TRPM2: variants seen among roughly 807,000 people sequenced by gnomAD.
The protein encoded by TRPM2 is transient receptor potential cation channel subfamily M member 2, also known as estrogen-responsive element-associated gene 1 protein.
Under a neutral mutation model 174.0 loss-of-function variants are expected in TRPM2, and 161 were observed. The ratio of observed to expected loss-of-function variants is 0.93; its 90% CI spans 0.81 to 1.05. TRPM2 has a LOEUF of 1.05. Among genes scored for constraint, TRPM2 ranks in the 50% least tolerant of loss-of-function variants. The pLI is 0.00. For synonymous variants in TRPM2, 954 were observed against 861.3 expected (o/e 1.11, Z -1.88); for missense variants, 2,057 against 2,038.0 (o/e 1.01, Z -0.18).
rs57031573 is a variant in TRPM2, at chr21:44,362,348, C to CAAAAAA, written c.255-1754_255-1749dup. ...TGAAACCCCGTCTCTACTAAAAATA[C>CAAAAAA]AAAAAAAAAAAAAAAAAGCCAGATG... On this transcript the variant is annotated intron_variant, in intron 2 of 31. Transcript: ENST00000397928. Among the ~76,000 whole-genome samples, 442 of 89,208 alleles carry CAAAAAA rather than the reference C, an allele frequency of 5.0e-3. 11 individuals are homozygous for CAAAAAA. The highest frequency in any genetic ancestry group is 0.017 in the African/African-American group (416 of 24,254). 58.5% of individuals were successfully genotyped at this position (89,208 alleles called of 152,430 possible).
intron 28 of TRPM2, among the ~76,000 whole-genome samples, chr21:44,436,649 G>C (rs1487540238): frequency 8.7e-6 from 1 of 114,806 alleles, no homozygotes; most frequent in Non-Finnish European, 1.8e-5. Flanking sequence ...GTGGCCCTCG[G>C]CACCCCACAT....
intron 25 of TRPM2, among the ~76,000 whole-genome samples, chr21:44,426,396 T>C (rs762897226): frequency 7.2e-5 from 11 of 151,884 alleles, no homozygotes; most frequent in Admixed American, 2.0e-4. Flanking sequence ...TGCCCCACTC[T>C]GGGAAGACCC....
chr21:44,425,646 TCA>T, intron 24 of TRPM2, 22 bp from the exon 25 acceptor site: 1 of 1,474,380 alleles, frequency 6.8e-7, no homozygotes, highest in South Asian at 1.3e-5. Context: ...CCGCCTTGCG[TCA>T]CGTCTTCCTG....
At chr21:44,408,312 T>C (rs1460699191) in intron 19 of TRPM2, among the ~76,000 whole-genome samples, 4 of 152,050 alleles carry the variant, frequency 2.6e-5, no homozygotes, top group Admixed American at 6.6e-5. Flanking sequence ...TTTGTGTGGG[T>C]ATGTTTTTAT....
intron 5 of TRPM2, among the ~76,000 whole-genome samples, chr21:44,375,507 C>T (rs1225204030): frequency 6.6e-6 from 1 of 152,196 alleles, no homozygotes; most frequent in Non-Finnish European, 1.5e-5. Flanking sequence ...TCCCCGCCTC[C>T]TCCACTCCTG....
At position 44,367,843 on chromosome 21, in the gene TRPM2, G is replaced by C. The variant is rs1487563163; in HGVS notation, c.604+909G>C. Among the ~76,000 whole-genome samples, 3 of 152,132 alleles carry C rather than the reference G, an allele frequency of 2.0e-5. No individual in the cohort carries two copies. Among genetic ancestry groups the C allele is most frequent in the Admixed American group, 1.3e-4 (2 of 15,282 alleles). On this transcript the variant is annotated intron_variant, in intron 4 of 31. Coordinates refer to ENST00000397928, the MANE Select transcript of TRPM2 (RefSeq NM_003307.4). The surrounding 1 kb of genome is among the most constrained non-coding windows in gnomAD (Gnocchi z 4.6). ...GGCACGGCTGCATCTTTTGACCTGTGAGTCCCACAGCCCTGCTTGTAAAAT... is the reference window on the plus strand; with the variant it reads ...GGCACGGCTGCATCTTTTGACCTGTCAGTCCCACAGCCCTGCTTGTAAAAT...
intron 9 of TRPM2, among the ~76,000 whole-genome samples, chr21:44,388,232 A>G (rs1452044873): frequency 6.6e-6 from 1 of 152,206 alleles, no homozygotes; most frequent in Non-Finnish European, 1.5e-5. Context: ...TTTAAAAAGG[A>G]AGGAAATTCT....
intron 15 of TRPM2, 152 bp downstream of exon 15, chr21:44,400,523 G>A: frequency 1.4e-6 from 1 of 717,180 alleles, no homozygotes; most frequent in Non-Finnish European, 2.3e-6. Flanking sequence ...AGAGATGGGG[G>A]TGGGAAGCAG....
intron 11 of TRPM2, among the ~76,000 whole-genome samples, chr21:44,393,868 G>T (rs2049257776): frequency 6.6e-6 from 1 of 151,798 alleles, no homozygotes; most frequent in African/African-American, 2.4e-5. Context: ...GGTATGACTT[G>T]GTTTCTTTGT....
chr21:44,353,536 A>G, upstream of TRPM2: 1 of 846,298 alleles, frequency 1.2e-6, no homozygotes. Context: ...GCTTCACATG[A>G]GGAAGCATGT....
At chr21:44,414,102 A>AGGTG (rs1184286001) in intron 20 of TRPM2, 28 bp downstream of exon 20, 1 of 767,494 alleles carries the variant, frequency 1.3e-6, no homozygotes, top group African/African-American at 1.7e-5. Context: ...GCTGGCGTGC[A>AGGTG]GGTGGGTGGG....
chr21:44,427,185 C>A, intron 27 of TRPM2, 74 bp downstream of exon 27: 1 of 1,260,174 alleles, frequency 7.9e-7, no homozygotes, highest in Non-Finnish European at 1.1e-6. Context: ...CCTCTCTGGG[C>A]AAAGGAAGCA....
chr21:44,404,335 T>G lies in TRPM2; in HGVS notation c.2539-807T>G, dbSNP rs148755333. ...GCACATACACATATACACACATGCA[T>G]ACACATACAAATACATGCAGACACA... On this transcript the variant is annotated intron_variant, in intron 16 of 31. Coordinates refer to ENST00000397928, the MANE Select transcript of TRPM2 (RefSeq NM_003307.4). Among the ~76,000 whole-genome samples the G allele has an allele frequency of 5.2e-3, 784 of 152,074 alleles. 6 individuals are homozygous for G. The highest frequency in any genetic ancestry group is 0.018 in the African/African-American group (751 of 41,486).
At chr21:44,436,541 C>T (rs974294481) in intron 28 of TRPM2, among the ~76,000 whole-genome samples, 2 of 144,388 alleles carry the variant, frequency 1.4e-5, no homozygotes, top group East Asian at 2.1e-4. Context: ...CCATGTGACC[C>T]CCAGGTGGCA....
At position 44,417,959 on chromosome 21, in the gene TRPM2, A is replaced by G; in HGVS notation, c.3179A>G (p.Asp1060Gly). Reference protein sequence around the residue: ...YTFQQVQEHTDQIWKFQRHDL... With the variant: ...YTFQQVQEHTGQIWKFQRHDL... ...TTCCAGCAGGTGCAGGAGCACACGG[A>G]CCAGATTTGGAAGTTCCAGCGCCAT... Residue 1060 changes from aspartate (D) to glycine (G), a missense_variant, in exon 21 of 32, where the codon GAC (aspartate) becomes GGC (glycine). By Grantham distance (94) the Asp-to-Gly change is moderately conservative (BLOSUM62 -1). Coordinates refer to ENST00000397928, the MANE Select transcript of TRPM2 (RefSeq NM_003307.4). 1 of 1,612,818 alleles carries G rather than the reference A, an allele frequency of 6.2e-7. No homozygotes were observed. The highest frequency in any genetic ancestry group is 8.5e-7 in the Non-Finnish European group (1 of 1,179,970).
Position 44,390,929 on chromosome 21 carries a change from C to T in TRPM2, c.1344C>T (p.Gly448=), listed in dbSNP as rs1176412485. 3.7e-6 allele frequency: 6 copies of T among 1,613,936 alleles called. No individual in the cohort carries two copies. The highest frequency in any genetic ancestry group is 5.1e-6 in the Non-Finnish European group (6 of 1,180,046). ...CCTCACGGAGCCAAGACCACTTTGG[C>T]CACGAGAACTGGGACCACCAGCTGA... ...LKASRSQDHF[G]HENWDHQLKL... is the part of the protein sequence containing the mutation. Residue 448 remains glycine, a synonymous_variant, in exon 10 of 32, where the codon GGC becomes GGT. Coordinates refer to ENST00000397928, the MANE Select transcript of TRPM2 (RefSeq NM_003307.4).
chr21:44,438,951 C>T lies in TRPM2; in HGVS notation c.4168-116C>T, dbSNP rs1051785698. Reference sequence around the variant, plus strand: ...CCTGAGATGCCGCCTGCCTGTGGCTCCCAGGGCTGGGCCGCTGCCCACGCC... The same window carrying T: ...CCTGAGATGCCGCCTGCCTGTGGCTTCCAGGGCTGGGCCGCTGCCCACGCC... On this transcript the variant is annotated intron_variant, in intron 29 of 31. Transcript: ENST00000397928. The surrounding 1 kb of genome is among the most constrained non-coding windows in gnomAD (Gnocchi z 5.9). 5 of 756,158 alleles carry T rather than the reference C, an allele frequency of 6.6e-6. No homozygotes were observed. Among genetic ancestry groups the T allele is most frequent in the Non-Finnish European group, 1.1e-5 (5 of 466,340 alleles). 46.8% of individuals were successfully genotyped at this position (756,158 alleles called of 1,614,324 possible). A position where few individuals can be genotyped will look rare whatever the true frequency, so the allele number is the denominator to read the frequency against.
chr21:44,413,210 T>G (rs1424420098), intron 19 of TRPM2, among the ~76,000 whole-genome samples: 1 of 151,756 alleles, frequency 6.6e-6, no homozygotes, highest in Admixed American at 6.6e-5. Flanking sequence ...TAGTTGTTAT[T>G]TTTTTCCTTT....
intron 19 of TRPM2, among the ~76,000 whole-genome samples, chr21:44,407,561 C>T (rs1202888743): frequency 7.2e-6 from 1 of 138,738 alleles, no homozygotes; most frequent in African/African-American, 2.7e-5. Context: ...AACTTTATAA[C>T]ATCTGCATCA....
Sources: allele counts gnomAD v4.1 joint callset (sites outside exome capture counted in the v4.1 genomes callset), GRCh38; gene constraint gnomAD v4.1.1; non-coding constraint Gnocchi (gnomAD v3.1); transcripts MANE v1.5; gene names NCBI Gene and HGNC (gene_info 2026-07-23, HGNC 2026-07-21).